Variants in INPP5A observed in about 807,000 individuals in gnomAD.
The protein encoded by INPP5A is 43 kDa inositol polyphosphate 5-phophatase.
In INPP5A, 14 loss-of-function variants were observed where a neutral mutation model predicts 65.2. The observed-to-expected ratio is 0.21, with a 90% CI of 0.14 to 0.34. The LOEUF (loss-of-function observed/expected upper bound fraction) is 0.34, where lower values mean the gene tolerates loss of function less well. Among genes scored for constraint, INPP5A ranks in the 10% least tolerant of loss-of-function variants. The pLI, the probability that INPP5A is intolerant of heterozygous loss-of-function variation, is 1.00. For synonymous variants in INPP5A, 207 were observed against 208.3 expected (o/e 0.99, Z 0.05); for missense variants, 431 against 545.6 (o/e 0.79, Z 2.09).
intron 9 of INPP5A, among the ~76,000 whole-genome samples, chr10:132,737,087 T>G (rs1846189947): frequency 6.6e-6 from 1 of 152,204 alleles, no homozygotes; most frequent in Non-Finnish European, 1.5e-5. Flanking sequence ...TCCTAAAAAC[T>G]GAGAGCATGG....
At chr10:132,647,749 TC>T (rs2072518162) in intron 3 of INPP5A, among the ~76,000 whole-genome samples, 1 of 152,172 alleles carries the variant, frequency 6.6e-6, no homozygotes. Flanking sequence ...ATCATTGGTG[TC>T]CTGTTGGGAA....
At chr10:132,641,082 T>C (rs2072422275) in intron 2 of INPP5A, among the ~76,000 whole-genome samples, 1 of 152,242 alleles carries the variant, frequency 6.6e-6, no homozygotes. Context: ...CACTGCGTCA[T>C]TAAGAATTGT....
rs550926328 is a variant in INPP5A at position 132,705,564 on chromosome 10, G to A, written c.475-2749G>A. Among the ~76,000 whole-genome samples, 8 of 152,374 alleles carry A rather than the reference G, an allele frequency of 5.3e-5. No individual in the cohort carries two copies. The highest frequency in any genetic ancestry group is 6.8e-3 in the Middle Eastern group (2 of 294). On this transcript the variant is annotated intron_variant, in intron 6 of 15. Coordinates refer to ENST00000368594, the MANE Select transcript of INPP5A (RefSeq NM_005539.5). This position sits in a 1 kb window ranked among gnomAD's most constrained non-coding sequence, Gnocchi z 4.9. ...TGGCGTCCAAGTGCGTGGCCAGGCC[G>A]GGAGGAGTGTACAGGAAGTCTCTGT...
chr10:132,653,498 T>G (rs1238636298), intron 4 of INPP5A, among the ~76,000 whole-genome samples: 2 of 152,118 alleles, frequency 1.3e-5, no homozygotes, highest in Non-Finnish European at 2.9e-5. Flanking sequence ...CTCCCTTCTT[T>G]CCAGGGTTCC....
At chr10:132,599,488 G>A (rs190168019) in intron 1 of INPP5A, among the ~76,000 whole-genome samples, 1 of 152,234 alleles carries the variant, frequency 6.6e-6, no homozygotes, top group Admixed American at 6.5e-5. Flanking sequence ...GCATGGTACA[G>A]CCTCCCTCTC....
chr10:132,615,616 T>C (rs1212529461), intron 2 of INPP5A, among the ~76,000 whole-genome samples: 1 of 152,234 alleles, frequency 6.6e-6, no homozygotes, highest in African/African-American at 2.4e-5. Flanking sequence ...GCTGCATTTC[T>C]GCCCCTGGTG....
At chr10:132,666,166 C>T (rs559408257) in intron 4 of INPP5A, among the ~76,000 whole-genome samples, 39 of 135,092 alleles carry the variant, frequency 2.9e-4, no homozygotes, top group African/African-American at 9.6e-4. Context: ...CCTCCCATGT[C>T]GTGACTGTTA....
chr10:132,624,145 G>A (rs61862794), intron 2 of INPP5A, among the ~76,000 whole-genome samples: 3 of 147,876 alleles, frequency 2.0e-5, no homozygotes, highest in African/African-American at 7.3e-5. Flanking sequence ...CCTGACCCAC[G>A]CACGTTGCTC....
At chr10:132,635,556 C>T (rs1189184182) in intron 2 of INPP5A, among the ~76,000 whole-genome samples, 1 of 151,370 alleles carries the variant, frequency 6.6e-6, no homozygotes, top group Non-Finnish European at 1.5e-5. Context: ...CCACCATGCC[C>T]GGCTAATTTT....
intron 11 of INPP5A, among the ~76,000 whole-genome samples, chr10:132,764,541 G>A (rs1424235519): frequency 6.9e-6 from 1 of 145,732 alleles, no homozygotes; most frequent in Non-Finnish European, 1.5e-5. Context: ...GGCCAGTCCT[G>A]CAGGGGTGGG....
intron 1 of INPP5A, among the ~76,000 whole-genome samples, chr10:132,562,344 G>A (rs549272135): frequency 6.6e-6 from 1 of 152,376 alleles, no homozygotes; most frequent in Admixed American, 6.5e-5. Context: ...CCTGTCTGCA[G>A]CCCTTCTGGA....
chr10:132,564,348 C>T (rs116084779), intron 1 of INPP5A, among the ~76,000 whole-genome samples: 166 of 152,200 alleles, frequency 1.1e-3, no homozygotes, highest in African/African-American at 3.7e-3. Flanking sequence ...TCAGGGACTG[C>T]GCTTCTTGAA....
chr10:132,742,223 A>G (rs1359686606), intron 9 of INPP5A, among the ~76,000 whole-genome samples: 1 of 152,210 alleles, frequency 6.6e-6, no homozygotes, highest in African/African-American at 2.4e-5. Context: ...GTCCCGTGTG[A>G]ACACAGAGCT....
At chr10:132,730,902 A>C (rs954026728) in intron 9 of INPP5A, among the ~76,000 whole-genome samples, 11 of 152,180 alleles carry the variant, frequency 7.2e-5, no homozygotes, top group African/African-American at 2.4e-4. Context: ...CAGATCTGAT[A>C]ATTCAGATCT....
intron 3 of INPP5A, among the ~76,000 whole-genome samples, chr10:132,646,419 G>A (rs1012774220): frequency 3.3e-5 from 5 of 152,146 alleles, no homozygotes; most frequent in African/African-American, 9.7e-5. Context: ...CACTGTACAT[G>A]CCCTGAGGCT....
At chr10:132,768,973 C>G (rs532890937) in intron 12 of INPP5A, among the ~76,000 whole-genome samples, 1 of 152,370 alleles carries the variant, frequency 6.6e-6, no homozygotes, top group South Asian at 2.1e-4. Context: ...GGGCAGTAGA[C>G]CCTCCATGGG....
At chr10:132,686,000 A>G (rs1359670314) in intron 4 of INPP5A, among the ~76,000 whole-genome samples, 1 of 152,208 alleles carries the variant, frequency 6.6e-6, no homozygotes, top group Non-Finnish European at 1.5e-5. Context: ...CCCCCATGGT[A>G]CGCAGGGTTC....
chr10:132,675,157 T>A lies in INPP5A; in HGVS notation c.307-15235T>A, dbSNP rs531285113. On this transcript the variant is annotated intron_variant, in intron 4 of 15. Transcript: ENST00000368594. This position sits in a 1 kb window ranked among gnomAD's most constrained non-coding sequence, Gnocchi z 4.2. ...TCATACCCAGTCAGATTATAACAAATCAAGAAAACCATAGAGAGCATAGGG... is the reference window on the plus strand; with the variant it reads ...TCATACCCAGTCAGATTATAACAAAACAAGAAAACCATAGAGAGCATAGGG... Among the ~76,000 whole-genome samples, 1 of 152,178 alleles carries A rather than the reference T, an allele frequency of 6.6e-6. No homozygotes were observed.
chr10:132,719,097 G>A (rs1845807185), intron 8 of INPP5A, among the ~76,000 whole-genome samples: 2 of 148,528 alleles, frequency 1.3e-5, no homozygotes, highest in African/African-American at 2.5e-5. Context: ...CCTGGGTTCT[G>A]TCTGGGCACC....
Sources: allele counts gnomAD v4.1 joint callset (sites outside exome capture counted in the v4.1 genomes callset), GRCh38; gene constraint gnomAD v4.1.1; non-coding constraint Gnocchi (gnomAD v3.1); transcripts MANE v1.5; gene names NCBI Gene and HGNC (gene_info 2026-07-23, HGNC 2026-07-21).